BRWD1: variants seen among roughly 807,000 people sequenced by gnomAD.
The protein encoded by BRWD1 is bromodomain and WD repeat-containing protein 1.
Under a neutral mutation model 251.2 loss-of-function variants are expected in BRWD1, and 82 were observed. The observed-to-expected ratio is 0.33, with a 90% confidence interval of 0.27 to 0.39. The LOEUF (loss-of-function observed/expected upper bound fraction) is 0.39, where lower values mean the gene tolerates loss of function less well. BRWD1 is among the 10% of genes least tolerant of loss of function. The pLI is 1.00. For synonymous variants in BRWD1, 918 were observed against 902.8 expected (o/e 1.02, Z -0.30); for missense variants, 2,233 against 2,711.6 (o/e 0.82, Z 3.92).
At chr21:39,218,684 G>A in intron 29 of BRWD1, 24 bp from the exon 30 acceptor site, 2 of 1,538,836 alleles carry the variant, frequency 1.3e-6, no homozygotes, top group Non-Finnish European at 1.7e-6. Flanking sequence ...AAAAAACAAT[G>A]AGAGGAAGAA....
At chr21:39,288,467 T>G (rs2035708282) in intron 8 of BRWD1, among the ~76,000 whole-genome samples, 1 of 152,236 alleles carries the variant, frequency 6.6e-6, no homozygotes, top group Non-Finnish European at 1.5e-5. Context: ...TTAATCAGTT[T>G]GAAATATTCT....
At chr21:39,223,785 G>A (rs1007569590) in intron 29 of BRWD1, among the ~76,000 whole-genome samples, 18 of 152,166 alleles carry the variant, frequency 1.2e-4, no homozygotes, top group African/African-American at 4.3e-4. Flanking sequence ...TTCCTTGAAG[G>A]AAGACCAAGG....
chr21:39,315,193 C>T (rs1158398518), upstream of BRWD1, among the ~76,000 whole-genome samples: 7 of 151,922 alleles, frequency 4.6e-5, no homozygotes, highest in African/African-American at 1.7e-4. Context: ...TTAGTAGGGA[C>T]GGGTTTCACC....
intron 17 of BRWD1, among the ~76,000 whole-genome samples, chr21:39,261,162 T>C (rs1364051335): frequency 6.6e-6 from 1 of 151,204 alleles, no homozygotes; most frequent in Non-Finnish European, 1.5e-5. Flanking sequence ...GAGGCAAAGG[T>C]TGCAATAAGC....
At chr21:39,268,026 GA>G (rs1036429513) in intron 15 of BRWD1, among the ~76,000 whole-genome samples, 1 of 150,774 alleles carries the variant, frequency 6.6e-6, no homozygotes, top group Non-Finnish European at 1.5e-5. Flanking sequence ...GTTGGAGGAG[GA>G]AAAAAAAATA....
chr21:39,189,729 G>A lies in BRWD1; in HGVS notation c.*6530C>T, dbSNP rs548583599. Reference sequence around the variant, plus strand: ...AGTGTTAATTTTATTACTGAAAACTGAGTAAATTATAAAGTGCTTTTTCTC... The same window carrying A: ...AGTGTTAATTTTATTACTGAAAACTAAGTAAATTATAAAGTGCTTTTTCTC... On this transcript the variant is annotated 3_prime_UTR_variant, in exon 41 of 41. Transcript: ENST00000342449. 1 of 981,092 alleles carries A rather than the reference G, an allele frequency of 1.0e-6. No individual in the cohort carries two copies. Among genetic ancestry groups the A allele is most frequent in the Non-Finnish European group, 1.2e-6 (1 of 826,022 alleles). 60.8% of individuals were successfully genotyped at this position (981,092 alleles called of 1,614,324 possible). A position where few individuals can be genotyped will look rare whatever the true frequency, so the allele number is the denominator to read the frequency against.
In BRWD1 at chr21:39,193,174, T is replaced by A. The variant is rs1208397283; in HGVS notation, c.*3085A>T. On this transcript the variant is annotated 3_prime_UTR_variant, in exon 41 of 41. Coordinates refer to ENST00000342449, the MANE Select transcript of BRWD1 (RefSeq NM_033656.4). ...TAAGTTCTTTGCCTCCATTTTCTTA[T>A]AAACCCAATTTCCTCTTTAGGTGCA... is the stretch of plus-strand genomic sequence containing the variant. 1.0e-6 allele frequency: 1 copy of A among 984,832 alleles called. No homozygotes were observed. The highest frequency in any genetic ancestry group is 1.2e-6 in the Non-Finnish European group (1 of 829,560). The allele number at this position is 984,832 out of a possible 1,614,324, so 61.0% of individuals were successfully genotyped here.
intron 21 of BRWD1, among the ~76,000 whole-genome samples, chr21:39,243,190 A>G (rs150176136): frequency 6.6e-6 from 1 of 152,220 alleles, no homozygotes; most frequent in South Asian, 2.1e-4. Context: ...GAAGAACAGT[A>G]TATTTTCTGT....
At chr21:39,255,342 G>T (rs2034527974) in intron 19 of BRWD1, among the ~76,000 whole-genome samples, 1 of 151,964 alleles carries the variant, frequency 6.6e-6, no homozygotes, top group South Asian at 2.1e-4. Context: ...ATCCCGGGAG[G>T]TGGAGGTTGC....
At chr21:39,274,504 T>G in intron 12 of BRWD1, 32 bp from the exon 13 acceptor site, 1 of 1,503,086 alleles carries the variant, frequency 6.7e-7, no homozygotes, top group Non-Finnish European at 9.3e-7. Flanking sequence ...TCTTACTATA[T>G]TCACACACTT....
rs758859218 is a variant in BRWD1 at position 39,313,118 on chromosome 21, C to A, written c.109-17G>T. 6.7e-6 allele frequency: 10 copies of A among 1,496,064 alleles called. No individual in the cohort carries two copies. Among genetic ancestry groups the A allele is most frequent in the South Asian group, 1.3e-5 (1 of 78,514 alleles). 92.7% of individuals were successfully genotyped at this position (1,496,064 alleles called of 1,614,324 possible). On this transcript the variant is annotated splice_polypyrimidine_tract_variant and intron_variant, in intron 2 of 40. Coordinates refer to ENST00000342449, the MANE Select transcript of BRWD1 (RefSeq NM_033656.4). ...CACCAGCACCTGCGGCCGAGAGACGCGCGGTCAGGGGTGGGGTCGGGCCCG... is the reference window on the plus strand; with the variant it reads ...CACCAGCACCTGCGGCCGAGAGACGAGCGGTCAGGGGTGGGGTCGGGCCCG...
At chr21:39,238,837 T>C (rs1489871096) in intron 21 of BRWD1, among the ~76,000 whole-genome samples, 4 of 152,208 alleles carry the variant, frequency 2.6e-5, no homozygotes, top group African/African-American at 9.6e-5. Flanking sequence ...CAGGCCATTC[T>C]GAGTAAAGTT....
chr21:39,256,603 C>T (rs1331369994), intron 18 of BRWD1, among the ~76,000 whole-genome samples: 1 of 151,940 alleles, frequency 6.6e-6, no homozygotes, highest in Non-Finnish European at 1.5e-5. Flanking sequence ...AGCTGGAAGC[C>T]ACAGAGGCTG....
At chr21:39,215,115 C>A in intron 32 of BRWD1, 122 bp downstream of exon 32, 1 of 910,392 alleles carries the variant, frequency 1.1e-6, no homozygotes, top group South Asian at 1.6e-5. Flanking sequence ...AGTGATCTGA[C>A]GGCCTTCACT....
chr21:39,295,620 C>T, intron 7 of BRWD1, 123 bp downstream of exon 7: 1 of 706,052 alleles, frequency 1.4e-6, no homozygotes, highest in Non-Finnish European at 2.2e-6. Flanking sequence ...GTGAGACCCA[C>T]ACCATACCTA....
At position 39,278,893 on chromosome 21, in the gene BRWD1, C is replaced by T. The variant is rs1416751902; in HGVS notation, c.933-80G>A. 5.5e-6 allele frequency: 6 copies of T among 1,084,890 alleles called. No individual in the cohort carries two copies. The African/African-American group carries it at 9.9e-5, about 18-fold the overall frequency. The allele number at this position is 1,084,890 out of a possible 1,614,324, so 67.2% of individuals were successfully genotyped here. Reference sequence around the variant, plus strand: ...GCTTAAAATATTAGTTTTAATCTAGCATATTTAAATATTATAATTTTTTAA... The same window carrying T: ...GCTTAAAATATTAGTTTTAATCTAGTATATTTAAATATTATAATTTTTTAA... On this transcript the variant is annotated intron_variant, in intron 9 of 40. Coordinates refer to ENST00000342449, the MANE Select transcript of BRWD1 (RefSeq NM_033656.4).
intron 11 of BRWD1, 28 bp from the exon 12 acceptor site, chr21:39,276,241 A>C (rs751780082): frequency 6.4e-7 from 1 of 1,571,468 alleles, no homozygotes; most frequent in Non-Finnish European, 8.7e-7. Flanking sequence ...ACAAATACAA[A>C]AATGATCATC....
At position 39,265,030 on chromosome 21, in the gene BRWD1, CA is replaced by C. The variant is rs780147881; in HGVS notation, c.1531-12del. ...TCCTTGTCCTTCAATCTAGGAAACA[CA>C]AAAGGAAAAAAGTTAGGACCAATTC... On this transcript the variant is annotated splice_polypyrimidine_tract_variant and intron_variant, in intron 15 of 40. Coordinates refer to ENST00000342449, the MANE Select transcript of BRWD1 (RefSeq NM_033656.4). 2 of 1,592,890 alleles carry C rather than the reference CA, an allele frequency of 1.3e-6. No homozygotes were observed. The highest frequency in any genetic ancestry group is 2.3e-5 in the South Asian group (2 of 87,682).
At chr21:39,314,302 A>C (rs778299463), upstream of BRWD1, 3 of 455,880 alleles carry the variant, frequency 6.6e-6, no homozygotes, top group East Asian at 7.0e-5. Flanking sequence ...CACATCCCCC[A>C]CAAGCCAGCA....
Sources: allele counts gnomAD v4.1 joint callset (sites outside exome capture counted in the v4.1 genomes callset), GRCh38; gene constraint gnomAD v4.1.1; transcripts MANE v1.5; gene names NCBI Gene and HGNC (gene_info 2026-07-23, HGNC 2026-07-21).